Variants in ARHGAP42 observed in about 807,000 individuals in gnomAD.
ARHGAP42 encodes rho GTPase-activating protein 42.
A neutral mutation model predicts 125.0 loss-of-function variants in ARHGAP42; 63 were observed. The ratio of observed to expected loss-of-function variants is 0.50; its 90% CI spans 0.41 to 0.62. The LOEUF (loss-of-function observed/expected upper bound fraction) is 0.62, where lower values mean the gene tolerates loss of function less well. ARHGAP42 is among the 20% of genes least tolerant of loss of function. The probability of loss-of-function intolerance (pLI) is 0.00; values close to 1 mark genes in which losing one functional copy is unlikely to be tolerated. For missense variants in ARHGAP42, 766 were observed against 1,024.2 expected (o/e 0.75, Z 3.44); for synonymous variants, 339 against 351.0 (o/e 0.97, Z 0.38).
At chr11:100,835,085 C>T (rs892461022) in intron 3 of ARHGAP42, among the ~76,000 whole-genome samples, 16 of 151,896 alleles carry the variant, frequency 1.1e-4, no homozygotes, top group Middle Eastern at 3.2e-3. Context: ...CAAATAGTGT[C>T]GAGGTTCATC....
At chr11:100,913,956 A>AT (rs1193911934) in intron 5 of ARHGAP42, among the ~76,000 whole-genome samples, 60 of 152,008 alleles carry the variant, frequency 3.9e-4, no homozygotes, top group African/African-American at 1.3e-3. Context: ...TATTTTTGAG[A>AT]TGGAGTTTGG....
At position 100,717,413 on chromosome 11, in the gene ARHGAP42, G is replaced by A. The variant is rs1372903926; in HGVS notation, c.154+29581G>A. 6.6e-5 allele frequency among the ~76,000 whole-genome samples: 10 copies of A among 151,936 alleles called. No individual in the cohort carries two copies. In the East Asian group the frequency reaches 1.2e-3, roughly 18 times the overall value. On this transcript the variant is annotated intron_variant, in intron 1 of 23. Coordinates refer to ENST00000298815, the MANE Select transcript of ARHGAP42 (RefSeq NM_152432.4). ...AGCACTTTGGGAGGCCGAGGCGGGC[G>A]GATCACAAGGTCAGGAGATTAAGAT...
chr11:100,884,678 T>TC lies in ARHGAP42; in HGVS notation c.384+25059dup, dbSNP rs1591266675. ...TCAGCTGCTGTCTCCTGCCTCCGTG[T>TC]CCCCCCAACCCCGTCCCACTACCCT... On this transcript the variant is annotated intron_variant, in intron 4 of 23. Coordinates refer to ENST00000298815, the MANE Select transcript of ARHGAP42 (RefSeq NM_152432.4). Among the ~76,000 whole-genome samples, 4 of 152,190 alleles carry TC rather than the reference T, an allele frequency of 2.6e-5. No homozygotes were observed. In the East Asian group the frequency reaches 5.8e-4, roughly 22 times the overall value.
At chr11:100,955,135 A>G (rs1232077029) in intron 12 of ARHGAP42, among the ~76,000 whole-genome samples, 1 of 152,036 alleles carries the variant, frequency 6.6e-6, no homozygotes, top group Non-Finnish European at 1.5e-5. Flanking sequence ...TGGCTGTTTG[A>G]ATTCTGTTGA....
At chr11:100,903,115 G>GCACACACACA (rs1480178280) in intron 4 of ARHGAP42, among the ~76,000 whole-genome samples, 15 of 13,716 alleles carry the variant, frequency 1.1e-3, no homozygotes, top group African/African-American at 1.9e-3. Context: ...TGTCCAAGAT[G>GCACACACACA]CGCACACACA....
chr11:100,803,934 A>G (rs1863926267), intron 3 of ARHGAP42, among the ~76,000 whole-genome samples: 1 of 152,168 alleles, frequency 6.6e-6, no homozygotes, highest in East Asian at 1.9e-4. Context: ...CATTGCCCAC[A>G]ACATTTCACA....
At chr11:100,701,588 T>C (rs1444468745) in intron 1 of ARHGAP42, among the ~76,000 whole-genome samples, 4 of 152,212 alleles carry the variant, frequency 2.6e-5, no homozygotes, top group Non-Finnish European at 2.9e-5. Flanking sequence ...GATGGCTTCT[T>C]TTCTTACACC....
chr11:100,792,956 G>A (rs961459640), intron 2 of ARHGAP42, among the ~76,000 whole-genome samples: 12 of 151,926 alleles, frequency 7.9e-5, no homozygotes, highest in African/African-American at 1.7e-4. Flanking sequence ...GGGTTTCATC[G>A]TGTTAGCCAG....
rs1359219565 is a variant in ARHGAP42, at chr11:100,992,510, A to T, written c.*3709A>T. 16 of 1,613,974 alleles carry T rather than the reference A, an allele frequency of 9.9e-6. No individual in the cohort carries two copies. The highest frequency in any genetic ancestry group is 1.3e-5 in the African/African-American group (1 of 74,938). On this transcript the variant is annotated 3_prime_UTR_variant, in exon 24 of 24. Transcript: ENST00000298815. The stretch of plus-strand genomic sequence containing the variant: ...CAAGACACTTTTAAGAAACAAAGAT[A>T]GTTTTCTGAACATTCTGTGTCCTGC...
chr11:100,850,992 A>T (rs928202433), intron 3 of ARHGAP42, among the ~76,000 whole-genome samples: 7 of 144,878 alleles, frequency 4.8e-5, no homozygotes, highest in African/African-American at 1.8e-4. Flanking sequence ...AATGATTCTT[A>T]TGCCTCAGTC....
intron 1 of ARHGAP42, among the ~76,000 whole-genome samples, chr11:100,753,511 C>G (rs1565556434): frequency 6.6e-6 from 1 of 152,322 alleles, no homozygotes; most frequent in East Asian, 1.9e-4. Context: ...CCACTCAACC[C>G]CTGGTTCTGG....
At chr11:100,939,580 A>T (rs901316482) in intron 8 of ARHGAP42, among the ~76,000 whole-genome samples, 1 of 152,184 alleles carries the variant, frequency 6.6e-6, no homozygotes, top group Non-Finnish European at 1.5e-5. Flanking sequence ...ATGGGCACTT[A>T]GTAGGTATTC....
At chr11:100,771,473 A>G (rs1158371363) in intron 2 of ARHGAP42, among the ~76,000 whole-genome samples, 1 of 152,162 alleles carries the variant, frequency 6.6e-6, no homozygotes, top group Non-Finnish European at 1.5e-5. Context: ...AGTATATAAA[A>G]TATTTATGTA....
chr11:100,846,441 ATTTAAG>A (rs2063336532), intron 3 of ARHGAP42, among the ~76,000 whole-genome samples: 1 of 152,148 alleles, frequency 6.6e-6, no homozygotes, highest in Non-Finnish European at 1.5e-5. Flanking sequence ...CATCTTTATC[ATTTAAG>A]TTTGATTTTG....
chr11:100,702,596 A>G (rs910203032), intron 1 of ARHGAP42, among the ~76,000 whole-genome samples: 59 of 151,874 alleles, frequency 3.9e-4, no homozygotes, highest in African/African-American at 1.3e-3. Context: ...AAGTACAATA[A>G]AATGAGGTTT....
intron 4 of ARHGAP42, among the ~76,000 whole-genome samples, chr11:100,876,123 A>G (rs1865819381): frequency 6.6e-6 from 1 of 152,224 alleles, no homozygotes; most frequent in South Asian, 2.1e-4. Context: ...ACTTAATAAC[A>G]TGTGTTTGAT....
At chr11:100,946,773 A>C (rs1868031278) in intron 10 of ARHGAP42, among the ~76,000 whole-genome samples, 1 of 152,068 alleles carries the variant, frequency 6.6e-6, no homozygotes, top group Non-Finnish European at 1.5e-5. Flanking sequence ...AATAACAATG[A>C]AAAATTCCAA....
intron 1 of ARHGAP42, among the ~76,000 whole-genome samples, chr11:100,766,915 T>G (rs1188318141): frequency 1.3e-5 from 2 of 152,198 alleles, no homozygotes; most frequent in African/African-American, 4.8e-5. Flanking sequence ...TGTCTCTCAT[T>G]ATGCTTCCAG....
intron 1 of ARHGAP42, among the ~76,000 whole-genome samples, chr11:100,719,967 G>A (rs1861733103): frequency 6.6e-6 from 1 of 152,202 alleles, no homozygotes; most frequent in Non-Finnish European, 1.5e-5. Context: ...TGTGGCTGGT[G>A]CCAAATTCCT....
Sources: gnomAD v4.1 joint callset for allele counts (sites outside exome capture counted in the v4.1 genomes callset) on GRCh38, gnomAD v4.1.1 for gene constraint, MANE v1.5 for transcripts, NCBI Gene and HGNC (gene_info 2026-07-23, HGNC 2026-07-21) for gene names.